Variants in MREG observed in about 807,000 individuals in gnomAD.
MREG encodes the protein dilute suppressor protein homolog.
Under a neutral mutation model 28.5 loss-of-function variants are expected in MREG, and 31 were observed. The ratio of observed to expected loss-of-function variants is 1.09; its 90% CI spans 0.82 to 1.47. MREG has a LOEUF of 1.47. Ranked by LOEUF, MREG falls within the 40% of genes most tolerant of loss-of-function variation. The probability of loss-of-function intolerance (pLI) is 0.00; values close to 1 mark genes in which losing one functional copy is unlikely to be tolerated. For synonymous variants in MREG, 106 were observed against 95.2 expected (o/e 1.11, Z -0.66); for missense variants, 256 against 257.4 (o/e 0.99, Z 0.04).
intron 2 of MREG, among the ~76,000 whole-genome samples, chr2:215,975,008 T>TTATATATTTATATATATATA (rs1693212880): frequency 9.4e-6 from 1 of 106,608 alleles, no homozygotes; most frequent in African/African-American, 3.2e-5. Context: ...TTTATATGAA[T>TTATATATTTATATATATATA]TATATATATA....
chr2:215,979,482 T>TA (rs1693357981), intron 2 of MREG, among the ~76,000 whole-genome samples: 1 of 142,044 alleles, frequency 7.0e-6, no homozygotes, highest in African/African-American at 2.7e-5. Flanking sequence ...ATAATAATAA[T>TA]AATAATAATA....
At chr2:216,001,134 G>A (rs192998903) in intron 1 of MREG, among the ~76,000 whole-genome samples, 14 of 150,774 alleles carry the variant, frequency 9.3e-5, no homozygotes, top group Admixed American at 1.3e-4. Context: ...TCTTTTTCTC[G>A]CTTATCACAT....
intron 1 of MREG, among the ~76,000 whole-genome samples, chr2:216,023,858 C>T (rs555907874): frequency 6.6e-6 from 1 of 152,078 alleles, no homozygotes; most frequent in African/African-American, 2.4e-5. Flanking sequence ...AGTAGAGACA[C>T]GGTTTCACCA....
intron 1 of MREG, among the ~76,000 whole-genome samples, chr2:216,030,978 A>ACT (rs1288476653): frequency 1.3e-5 from 2 of 151,352 alleles, no homozygotes; most frequent in African/African-American, 4.9e-5. Context: ...ACACACACAC[A>ACT]CACACACACA....
upstream of MREG, among the ~76,000 whole-genome samples, chr2:216,014,187 ATCC>A (rs963624775): frequency 3.9e-5 from 6 of 151,992 alleles, no homozygotes; most frequent in African/African-American, 1.4e-4. Flanking sequence ...GCGCGTGGAT[ATCC>A]TCCTCTCATT....
At chr2:215,945,472 T>C in intron 4 of MREG, 99 bp downstream of exon 4, 1 of 1,388,022 alleles carries the variant, frequency 7.2e-7, no homozygotes, top group Non-Finnish European at 9.8e-7. Context: ...TCATATGTGA[T>C]AGTGATGGTG....
At chr2:216,008,342 T>C (rs551074941) in intron 1 of MREG, among the ~76,000 whole-genome samples, 1 of 152,316 alleles carries the variant, frequency 6.6e-6, no homozygotes, top group South Asian at 2.1e-4. Flanking sequence ...TTTGTAACAA[T>C]TGTTACTCTC....
chr2:215,972,168 A>C (rs1270766496), intron 2 of MREG, among the ~76,000 whole-genome samples: 1 of 152,186 alleles, frequency 6.6e-6, no homozygotes, highest in Admixed American at 6.5e-5. Flanking sequence ...AGCCTCTGGC[A>C]GTATTTCTCA....
At chr2:215,958,023 G>T (rs184087511) in intron 2 of MREG, among the ~76,000 whole-genome samples, 1 of 150,480 alleles carries the variant, frequency 6.6e-6, no homozygotes, top group African/African-American at 2.4e-5. Context: ...ACCAAACACC[G>T]CACGTTCTCA....
chr2:216,005,891 C>G (rs2106027831), intron 1 of MREG, among the ~76,000 whole-genome samples: 1 of 145,496 alleles, frequency 6.9e-6, no homozygotes, highest in Non-Finnish European at 1.5e-5. Context: ...AGGACAGTGT[C>G]AAACAGTTCA....
rs373750759 is a variant in MREG at position 215,954,943 on chromosome 2, T to C, written c.256-7830A>G. The stretch of plus-strand genomic sequence containing the variant: ...GTCTCGAACGCCTGACCTCAGGTGA[T>C]CCGCCCACCTTGGCCTCCCCAAGTT... On this transcript the variant is annotated intron_variant, in intron 2 of 4. Transcript: ENST00000263268. 3.8e-3 allele frequency among the ~76,000 whole-genome samples: 576 copies of C among 152,308 alleles called. 4 individuals carry two copies. The highest frequency in any genetic ancestry group is 0.012 in the African/African-American group (490 of 41,572).
chr2:216,028,644 C>T (rs1307637580), intron 1 of MREG, among the ~76,000 whole-genome samples: 1 of 151,528 alleles, frequency 6.6e-6, no homozygotes, highest in Non-Finnish European at 1.5e-5. Context: ...CATAGATTTC[C>T]AGTAATTGTG....
intron 2 of MREG, among the ~76,000 whole-genome samples, chr2:215,983,383 T>C (rs1174986896): frequency 2.0e-5 from 3 of 152,244 alleles, no homozygotes; most frequent in Non-Finnish European, 2.9e-5. Context: ...CTTTCCCTGT[T>C]TCTCCCACCC....
At chr2:215,951,239 A>G (rs1481964015) in intron 2 of MREG, among the ~76,000 whole-genome samples, 1 of 152,234 alleles carries the variant, frequency 6.6e-6, no homozygotes, top group Non-Finnish European at 1.5e-5. Context: ...AGCAAATGAA[A>G]AATAGTGATG....
At chr2:215,984,485 T>G (rs1199019933) in intron 2 of MREG, among the ~76,000 whole-genome samples, 9 of 126,562 alleles carry the variant, frequency 7.1e-5, no homozygotes, top group African/African-American at 2.8e-4. Context: ...ACCTCTGTAC[T>G]GAAGCCTGGG....
chr2:216,011,284 C>T (rs1285907048), intron 1 of MREG, among the ~76,000 whole-genome samples: 1 of 152,108 alleles, frequency 6.6e-6, no homozygotes, highest in Non-Finnish European at 1.5e-5. Context: ...TTCCACGTAT[C>T]CATTAATAAG....
At chr2:215,945,128 AT>A in intron 4 of MREG, 131 bp from the exon 5 acceptor site, 1 of 952,326 alleles carries the variant, frequency 1.1e-6, no homozygotes. Context: ...ACGTTTATTA[AT>A]TTTTTCCTAA....
chr2:215,988,879 G>T (rs999683986), intron 2 of MREG, among the ~76,000 whole-genome samples: 1 of 152,192 alleles, frequency 6.6e-6, no homozygotes, highest in African/African-American at 2.4e-5. Context: ...CAGAAAGAAA[G>T]GCAGCAGCCC....
chr2:216,000,718 A>G (rs961820442), intron 1 of MREG, among the ~76,000 whole-genome samples: 2 of 152,306 alleles, frequency 1.3e-5, no homozygotes, highest in East Asian at 3.9e-4. Flanking sequence ...CCTTAAAAGT[A>G]CTTGTTGAAC....
Sources: gnomAD v4.1 joint callset for allele counts (sites outside exome capture counted in the v4.1 genomes callset) on GRCh38, gnomAD v4.1.1 for gene constraint, MANE v1.5 for transcripts, NCBI Gene and HGNC (gene_info 2026-07-23, HGNC 2026-07-21) for gene names.